SHISA9: variants seen among roughly 807,000 people sequenced by gnomAD.
SHISA9 encodes protein shisa-9.
In SHISA9, 13 loss-of-function variants were observed where a neutral mutation model predicts 38.0. The observed-to-expected ratio is 0.34, with a 90% CI of 0.22 to 0.54. SHISA9 has a LOEUF of 0.54. Ranked by LOEUF, SHISA9 falls within the 20% of genes least tolerant of loss-of-function variation. The pLI is 0.91. For missense variants in SHISA9, 538 were observed against 575.8 expected, an observed-to-expected ratio of 0.93 and a Z score of 0.67; for synonymous variants, 275 against 242.0, an observed-to-expected ratio of 1.14 and a Z score of -1.27.
chr16:13,440,841 G>T, the SHISA9 span, among the ~76,000 whole-genome samples: 1 of 151,806 alleles, frequency 6.6e-6, no homozygotes, highest in East Asian at 1.9e-4. Flanking sequence ...AGAGTCGTTT[G>T]AACCCGGGAG....
At chr16:13,016,457 C>G (rs573754127) in intron 2 of SHISA9, among the ~76,000 whole-genome samples, 4 of 152,176 alleles carry the variant, frequency 2.6e-5, no homozygotes, top group African/African-American at 4.8e-5. Flanking sequence ...CACAAACATA[C>G]GTCCAAGTGG....
At chr16:13,165,922 C>T (rs550036675) in intron 2 of SHISA9, among the ~76,000 whole-genome samples, 1 of 152,302 alleles carries the variant, frequency 6.6e-6, no homozygotes, top group South Asian at 2.1e-4. Context: ...ATTGACTTCA[C>T]ATGGTGGGCT....
Position 13,235,516 on chromosome 16 carries a change from T to G in SHISA9, c.*107T>G, listed in dbSNP as rs1383446864. The G allele has an allele frequency of 1.5e-6, 2 of 1,319,740 alleles. No individual in the cohort carries two copies. Among genetic ancestry groups the G allele is most frequent in the African/African-American group, 1.5e-5 (1 of 66,872 alleles). The allele number at this position is 1,319,740 out of a possible 1,614,324, so 81.8% of individuals were successfully genotyped here. ...TCCCCTAATACATGCGTCCACACAC[T>G]CACTCTCAACAAGAACCAACTCTAA... On this transcript the variant is annotated 3_prime_UTR_variant, in exon 5 of 5. Transcript: ENST00000558583.
intron 2 of SHISA9, among the ~76,000 whole-genome samples, chr16:12,962,899 GGGCCT>G (rs1236261005): frequency 1.3e-5 from 2 of 152,134 alleles, no homozygotes; most frequent in Non-Finnish European, 2.9e-5. Context: ...TCTTCTTTCA[GGGCCT>G]GGCCTCTTGA....
intron 2 of SHISA9, among the ~76,000 whole-genome samples, chr16:13,086,729 A>G (rs1486706009): frequency 3.9e-5 from 6 of 152,226 alleles, no homozygotes; most frequent in Non-Finnish European, 5.9e-5. Context: ...TCTGAGGAAA[A>G]CAACCACCAA....
chr16:13,221,709 A>T (rs1391499773), intron 4 of SHISA9, among the ~76,000 whole-genome samples: 3 of 152,182 alleles, frequency 2.0e-5, no homozygotes, highest in African/African-American at 7.2e-5. Flanking sequence ...AGAATTGTGC[A>T]ACCATCATTA....
At chr16:12,947,431 G>A (rs1037357451) in intron 2 of SHISA9, among the ~76,000 whole-genome samples, 2 of 152,096 alleles carry the variant, frequency 1.3e-5, no homozygotes, top group African/African-American at 2.4e-5. Context: ...GCATTCAAAC[G>A]TAATTATTTG....
At chr16:13,491,430 T>G in the SHISA9 span, among the ~76,000 whole-genome samples, 1 of 150,736 alleles carries the variant, frequency 6.6e-6, no homozygotes, top group East Asian at 2.0e-4. Context: ...ATGGTGAAAC[T>G]GAGGCTAACA....
At chr16:12,991,210 A>C (rs934405265) in intron 2 of SHISA9, among the ~76,000 whole-genome samples, 1 of 152,204 alleles carries the variant, frequency 6.6e-6, no homozygotes, top group South Asian at 2.1e-4. Flanking sequence ...TTTCTACTGA[A>C]GTTGTAAGGG....
chr16:12,907,761 A>G (rs1341316542), intron 1 of SHISA9, among the ~76,000 whole-genome samples: 1 of 152,178 alleles, frequency 6.6e-6, no homozygotes, highest in African/African-American at 2.4e-5. Flanking sequence ...TTCACGCAGG[A>G]ATCCAGATTC....
the SHISA9 span, among the ~76,000 whole-genome samples, chr16:13,541,157 G>A: frequency 3.9e-5 from 6 of 152,254 alleles, no homozygotes; most frequent in South Asian, 4.2e-4. Context: ...GAGCCACTTC[G>A]TGCTGTTGGG....
chr16:13,377,291 G>A, the SHISA9 span, among the ~76,000 whole-genome samples: 1 of 152,232 alleles, frequency 6.6e-6, no homozygotes, highest in South Asian at 2.1e-4. Context: ...TATGGAGCAA[G>A]CTGAGTATTC....
chr16:13,361,983 G>A, the SHISA9 span, among the ~76,000 whole-genome samples: 5 of 152,114 alleles, frequency 3.3e-5, no homozygotes, highest in Admixed American at 6.5e-5. Context: ...GTCAAACCCC[G>A]TTGCCATCAC....
the SHISA9 span, among the ~76,000 whole-genome samples, chr16:13,560,354 A>G: frequency 1.3e-5 from 2 of 152,320 alleles, no homozygotes; most frequent in South Asian, 4.1e-4. Context: ...AGGAGGGTGT[A>G]AGCTGCTGAT....
chr16:12,919,315 A>G (rs2071298396), intron 2 of SHISA9, among the ~76,000 whole-genome samples: 2 of 152,208 alleles, frequency 1.3e-5, no homozygotes, highest in African/African-American at 4.8e-5. Context: ...TTACCATTAC[A>G]CAAATTGGAA....
chr16:13,064,741 A>G (rs1218480026), intron 2 of SHISA9, among the ~76,000 whole-genome samples: 1 of 150,822 alleles, frequency 6.6e-6, no homozygotes, highest in Admixed American at 6.6e-5. Flanking sequence ...ATGAACATGT[A>G]TTACCTTTAT....
chr16:13,123,292 G>A (rs2050229729), intron 2 of SHISA9, among the ~76,000 whole-genome samples: 2 of 152,338 alleles, frequency 1.3e-5, no homozygotes, highest in South Asian at 2.1e-4. Context: ...AAGAGACTTT[G>A]TTATTCAACA....
the SHISA9 span, among the ~76,000 whole-genome samples, chr16:13,303,617 T>G: frequency 6.6e-6 from 1 of 152,220 alleles, no homozygotes; most frequent in African/African-American, 2.4e-5. Flanking sequence ...AATAACTGCT[T>G]AAAGGGTGCA....
At chr16:12,910,995 A>T (rs528441156) in intron 1 of SHISA9, 7 of 161,472 alleles carry the variant, frequency 4.3e-5, no homozygotes, top group Non-Finnish European at 9.1e-5. Flanking sequence ...ACTGATTTCA[A>T]TGTTAATCTA....
Sources: allele counts gnomAD v4.1 joint callset (sites outside exome capture counted in the v4.1 genomes callset), GRCh38; gene constraint gnomAD v4.1.1; transcripts MANE v1.5; gene names NCBI Gene and HGNC (gene_info 2026-07-23, HGNC 2026-07-21).